Variants in NKIRAS1 observed in about 807,000 individuals in gnomAD.
NKIRAS1 encodes the protein NFKB inhibitor interacting Ras like 1.
NKIRAS1 carries 16 observed loss-of-function variants against 19.8 expected under a neutral mutation model. The ratio of observed to expected loss-of-function variants is 0.81; its 90% CI spans 0.55 to 1.23. The LOEUF (loss-of-function observed/expected upper bound fraction) is 1.23. Ranked by LOEUF, NKIRAS1 falls within the 50% of genes most tolerant of loss-of-function variation. The pLI is 0.00. For synonymous variants in NKIRAS1, 88 were observed against 79.0 expected, an observed-to-expected ratio of 1.11 and a Z score of -0.61; for missense variants, 184 against 220.0, an observed-to-expected ratio of 0.84 and a Z score of 1.04.
At chr3:23,898,079 T>G (rs1702155778) in intron 4 of NKIRAS1, among the ~76,000 whole-genome samples, 1 of 152,036 alleles carries the variant, frequency 6.6e-6, no homozygotes, top group Non-Finnish European at 1.5e-5. Flanking sequence ...TTCATTGACC[T>G]TTCAACTTTT....
intron 1 of NKIRAS1, among the ~76,000 whole-genome samples, chr3:23,931,752 A>G (rs1463462934): frequency 6.6e-6 from 1 of 152,118 alleles, no homozygotes; most frequent in African/African-American, 2.4e-5. Context: ...AAGGTAGAGA[A>G]GAAGGGCGGG....
intron 4 of NKIRAS1, among the ~76,000 whole-genome samples, chr3:23,896,022 C>T (rs915021539): frequency 1.3e-5 from 2 of 150,758 alleles, no homozygotes; most frequent in Non-Finnish European, 2.9e-5. Flanking sequence ...GTAGTCCCAG[C>T]TACTTGGGAG....
At chr3:23,900,171 A>C (rs1702370716) in intron 4 of NKIRAS1, among the ~76,000 whole-genome samples, 1 of 151,924 alleles carries the variant, frequency 6.6e-6, no homozygotes, top group Non-Finnish European at 1.5e-5. Flanking sequence ...CAAAAAAAAC[A>C]AAAACAAAAA....
chr3:23,925,383 T>G (rs981396508), intron 1 of NKIRAS1, among the ~76,000 whole-genome samples: 3 of 152,114 alleles, frequency 2.0e-5, no homozygotes, highest in African/African-American at 7.2e-5. Flanking sequence ...CCTGTAATCC[T>G]AGCACATTGG....
chr3:23,911,533 A>G (rs1456897670), intron 1 of NKIRAS1, 83 bp from the exon 2 acceptor site: 1 of 152,600 alleles, frequency 6.6e-6, no homozygotes, highest in African/African-American at 2.4e-5. Context: ...TTTTATATGA[A>G]GAATATTTCA....
chr3:23,917,826 T>G, upstream of NKIRAS1: 10 of 1,597,948 alleles, frequency 6.3e-6, no homozygotes, highest in Middle Eastern at 2.2e-4. Flanking sequence ...CGGATGATAT[T>G]TAATACACAG....
chr3:23,896,754 G>GT (rs1189189466), intron 4 of NKIRAS1, among the ~76,000 whole-genome samples: 1 of 151,534 alleles, frequency 6.6e-6, no homozygotes, highest in Non-Finnish European at 1.5e-5. Flanking sequence ...AAGGAGGACT[G>GT]TTTGAGACCA....
chr3:23,930,929 C>T (rs1393027571), intron 1 of NKIRAS1, among the ~76,000 whole-genome samples: 4 of 149,688 alleles, frequency 2.7e-5, no homozygotes, highest in Non-Finnish European at 5.9e-5. Context: ...GATCCTCCTG[C>T]CTTGGCCTTC....
intron 3 of NKIRAS1, 130 bp from the exon 4 acceptor site, chr3:23,901,179 CTTTTT>C (rs369838815): frequency 9.6e-5 from 70 of 728,942 alleles, no homozygotes; most frequent in East Asian, 2.1e-4. Context: ...TTCTATTTTA[CTTTTT>C]TTTTTTTTTT....
At chr3:23,905,026 C>G (rs1702888619) in intron 3 of NKIRAS1, among the ~76,000 whole-genome samples, 2 of 152,076 alleles carry the variant, frequency 1.3e-5, no homozygotes, top group South Asian at 4.1e-4. Context: ...ATGGGGTCTC[C>G]TGATGTTGCC....
At chr3:23,928,113 C>T (rs1575129062) in intron 1 of NKIRAS1, among the ~76,000 whole-genome samples, 1 of 150,988 alleles carries the variant, frequency 6.6e-6, no homozygotes, top group South Asian at 2.1e-4. Context: ...CACACACACA[C>T]ACACACACAC....
At chr3:23,907,223 T>C in intron 3 of NKIRAS1, among the ~76,000 whole-genome samples, 1 of 152,326 alleles carries the variant, frequency 6.6e-6, no homozygotes. Context: ...AACATTTTCT[T>C]ATCTCTAGCT....
At chr3:23,944,975 A>G (rs28510558) in intron 1 of NKIRAS1, among the ~76,000 whole-genome samples, 20,445 of 151,714 alleles carry the variant, frequency 0.13, 2,740 homozygotes, top group African/African-American at 0.35. Flanking sequence ...GGGCGTGGAG[A>G]GGACTCCCGG....
chr3:23,928,828 A>C (rs991424464), intron 1 of NKIRAS1, among the ~76,000 whole-genome samples: 1 of 151,526 alleles, frequency 6.6e-6, no homozygotes, highest in Non-Finnish European at 1.5e-5. Context: ...CCCGTTTCTA[A>C]TAAAATACAA....
upstream of NKIRAS1, chr3:23,917,515 C>G (rs532533815): frequency 1.9e-5 from 4 of 212,290 alleles, no homozygotes; most frequent in Non-Finnish European, 3.8e-5. Context: ...GCAGCAGTAC[C>G]TTGTCCTGTG....
chr3:23,930,502 G>C (rs1705294813), intron 1 of NKIRAS1, among the ~76,000 whole-genome samples: 1 of 151,478 alleles, frequency 6.6e-6, no homozygotes, highest in African/African-American at 2.4e-5. Context: ...TATACAAACA[G>C]TTTTCAATCT....
chr3:23,933,900 G>C (rs1197489943), intron 1 of NKIRAS1, among the ~76,000 whole-genome samples: 1 of 152,164 alleles, frequency 6.6e-6, no homozygotes, highest in Non-Finnish European at 1.5e-5. Context: ...CGCCTTGGCT[G>C]CTGCATTCTC....
Position 23,927,506 on chromosome 3 carries a change from G to A in NKIRAS1, c.-139-16056C>T, listed in dbSNP as rs369214135. Among the ~76,000 whole-genome samples, 71 of 152,306 alleles carry A rather than the reference G, an allele frequency of 4.7e-4. 1 individual carries two copies. The South Asian group carries it at 0.013, about 29-fold the overall frequency. ...AGCTCACTCTGAAATCCTGGCAAACGGCAACTCACTCCTCCAAAACTGATG... is the reference window on the plus strand; with the variant it reads ...AGCTCACTCTGAAATCCTGGCAAACAGCAACTCACTCCTCCAAAACTGATG... On this transcript the variant is annotated intron_variant, in intron 1 of 4. Coordinates refer to the NKIRAS1 transcript ENST00000421515. The surrounding 1 kb of genome is among the most constrained non-coding windows in gnomAD (Gnocchi z 4.0).
chr3:23,898,775 A>G (rs908383159), intron 4 of NKIRAS1, among the ~76,000 whole-genome samples: 1 of 151,968 alleles, frequency 6.6e-6, no homozygotes, highest in African/African-American at 2.4e-5. Context: ...GGGGTCCCCA[A>G]CCCCTAGGTC....
Sources: allele counts gnomAD v4.1 joint callset (sites outside exome capture counted in the v4.1 genomes callset), GRCh38; gene constraint gnomAD v4.1.1; non-coding constraint Gnocchi (gnomAD v3.1); transcripts MANE v1.5; gene names NCBI Gene and HGNC (gene_info 2026-07-23, HGNC 2026-07-21).